Variants in CFDP1 observed in about 807,000 individuals in gnomAD.
CFDP1 encodes chromatin remodeling protein CFDP1.
CFDP1 carries 31 observed loss-of-function variants against 40.1 expected under a neutral mutation model. That is an observed-to-expected ratio of 0.77 (90% CI 0.58 to 1.04). The LOEUF (loss-of-function observed/expected upper bound fraction) is 1.04, where lower values mean the gene tolerates loss of function less well. Among genes scored for constraint, CFDP1 ranks in the 50% least tolerant of loss-of-function variants. The probability of loss-of-function intolerance (pLI) is 0.00; values close to 1 mark genes in which losing one functional copy is unlikely to be tolerated. For missense variants in CFDP1, 423 were observed against 343.4 expected (o/e 1.23, Z -1.83); for synonymous variants, 167 against 120.0 (o/e 1.39, Z -2.56).
intron 1 of CFDP1, among the ~76,000 whole-genome samples, chr16:75,426,630 C>T (rs956395376): frequency 5.3e-5 from 8 of 151,764 alleles, no homozygotes; most frequent in African/African-American, 1.5e-4. Context: ...GAGGTGAAAT[C>T]GTGCCACTGC....
chr16:75,364,224 T>A (rs909016216), intron 5 of CFDP1, among the ~76,000 whole-genome samples: 4 of 152,136 alleles, frequency 2.6e-5, no homozygotes, highest in Admixed American at 6.6e-5. Flanking sequence ...ATTCACTTTT[T>A]AAAAAAATGG....
At chr16:75,313,342 G>GT (rs1341744940) in intron 5 of CFDP1, among the ~76,000 whole-genome samples, 20 of 151,812 alleles carry the variant, frequency 1.3e-4, no homozygotes, top group Non-Finnish European at 2.9e-4. Context: ...AGTTTTTTTT[G>GT]TTTTTTTGAC....
At chr16:75,317,478 T>C (rs1199829910) in intron 5 of CFDP1, among the ~76,000 whole-genome samples, 1 of 152,156 alleles carries the variant, frequency 6.6e-6, no homozygotes, top group Non-Finnish European at 1.5e-5. Flanking sequence ...AAGGAGGAAA[T>C]GTTGAGTGTA....
chr16:75,382,170 G>A (rs887826790), intron 5 of CFDP1, among the ~76,000 whole-genome samples: 1 of 151,656 alleles, frequency 6.6e-6, no homozygotes, highest in Admixed American at 6.6e-5. Flanking sequence ...ACTGAGAAGG[G>A]GTATTCTGAG....
intron 4 of CFDP1, among the ~76,000 whole-genome samples, chr16:75,396,922 G>C (rs900806199): frequency 5.3e-5 from 8 of 151,690 alleles, no homozygotes; most frequent in Admixed American, 2.0e-4. Flanking sequence ...TTGTTTGTTT[G>C]TTTTCATTTG....
At position 75,305,167 on chromosome 16, in the gene CFDP1, A is replaced by C; in HGVS notation, c.666T>G (p.Ser222Arg). Residue 222 changes from serine (S) to arginine (R), a missense_variant, in exon 6 of 7, where the codon AGT becomes AGG. Physicochemically the swap from Ser to Arg is moderately radical, Grantham distance 110 (BLOSUM62 -1). Coordinates refer to ENST00000283882, the MANE Select transcript of CFDP1 (RefSeq NM_006324.3). ...TTTTCCCCAAAAGGCTGCTCATGCC[A>C]CTTGATCTTTTTAACCTAAGGAAAG... is the stretch of plus-strand genomic sequence containing the variant. ...LPAGSGLKRS[S>R]GMSSLLGKIG... The C allele has an allele frequency of 2.5e-6, 4 of 1,614,018 alleles. No individual in the cohort carries two copies. Among genetic ancestry groups the C allele is most frequent in the Non-Finnish European group, 3.4e-6 (4 of 1,179,994 alleles).
intron 5 of CFDP1, among the ~76,000 whole-genome samples, chr16:75,348,670 C>T (rs2151524515): frequency 6.6e-6 from 1 of 152,146 alleles, no homozygotes; most frequent in East Asian, 1.9e-4. Flanking sequence ...ATTTGCACAT[C>T]ATAAGATACA....
At chr16:75,350,928 C>T (rs2078606173) in intron 5 of CFDP1, among the ~76,000 whole-genome samples, 1 of 151,956 alleles carries the variant, frequency 6.6e-6, no homozygotes, top group African/African-American at 2.4e-5. Flanking sequence ...AACAGAAAAA[C>T]TACTTCAAGT....
At chr16:75,396,871 CT>C (rs1333517229) in intron 4 of CFDP1, among the ~76,000 whole-genome samples, 1 of 152,042 alleles carries the variant, frequency 6.6e-6, no homozygotes, top group African/African-American at 2.4e-5. Context: ...CCTCAGTGGC[CT>C]CTTTTGTAGT....
intron 5 of CFDP1, among the ~76,000 whole-genome samples, chr16:75,369,595 A>T (rs1220493890): frequency 6.6e-6 from 1 of 152,200 alleles, no homozygotes; most frequent in Non-Finnish European, 1.5e-5. Context: ...CTTCTGATGA[A>T]ACTGGAAAAG....
chr16:75,360,604 C>A (rs2078674349), intron 5 of CFDP1, among the ~76,000 whole-genome samples: 1 of 152,186 alleles, frequency 6.6e-6, no homozygotes, highest in Admixed American at 6.5e-5. Context: ...ATAACAATAA[C>A]TTTCCTGTGG....
chr16:75,378,775 A>T (rs1208613999), intron 5 of CFDP1, among the ~76,000 whole-genome samples: 1 of 152,208 alleles, frequency 6.6e-6, no homozygotes, highest in African/African-American at 2.4e-5. Flanking sequence ...TATTTAAAAG[A>T]TATTGGGGTA....
At chr16:75,425,931 G>A (rs1333015451) in intron 1 of CFDP1, among the ~76,000 whole-genome samples, 2 of 150,128 alleles carry the variant, frequency 1.3e-5, no homozygotes, top group Non-Finnish European at 2.9e-5. Context: ...AACTACTCGG[G>A]AAGCTGAGGC....
chr16:75,400,698 A>C (rs1474843552), intron 4 of CFDP1, among the ~76,000 whole-genome samples: 1 of 152,226 alleles, frequency 6.6e-6, no homozygotes, highest in Non-Finnish European at 1.5e-5. Context: ...CTATGTATTC[A>C]TTCTTCCTTT....
chr16:75,432,370 TAAAAAAA>T (rs55961935), intron 1 of CFDP1, among the ~76,000 whole-genome samples: 9 of 105,582 alleles, frequency 8.5e-5, no homozygotes, highest in African/African-American at 1.4e-4. Flanking sequence ...ATGCCATTTC[TAAAAAAA>T]AAAAAAAAAA....
At chr16:75,405,496 C>T (rs1175297883) in intron 4 of CFDP1, among the ~76,000 whole-genome samples, 1 of 151,954 alleles carries the variant, frequency 6.6e-6, no homozygotes, top group Non-Finnish European at 1.5e-5. Context: ...GCCTGTAATC[C>T]TAGCACTTTG....
chr16:75,361,094 CCA>C (rs1240443106), intron 5 of CFDP1, among the ~76,000 whole-genome samples: 5 of 152,094 alleles, frequency 3.3e-5, no homozygotes, highest in Non-Finnish European at 7.4e-5. Flanking sequence ...ACTACAACCT[CCA>C]CCTCCTGGGT....
chr16:75,433,251 G>C (rs1293689576), intron 1 of CFDP1, 38 bp downstream of exon 1: 1 of 1,560,342 alleles, frequency 6.4e-7, no homozygotes, highest in South Asian at 1.2e-5. Context: ...GGCGTGGGGC[G>C]GGGCAATTCG....
chr16:75,420,758 C>A (rs538466920), intron 1 of CFDP1, among the ~76,000 whole-genome samples: 2 of 152,168 alleles, frequency 1.3e-5, no homozygotes, highest in Non-Finnish European at 2.9e-5. Flanking sequence ...GGAAAAAATA[C>A]AAATATCTAT....
Sources: allele counts gnomAD v4.1 joint callset (sites outside exome capture counted in the v4.1 genomes callset), GRCh38; gene constraint gnomAD v4.1.1; transcripts MANE v1.5; gene names NCBI Gene and HGNC (gene_info 2026-07-23, HGNC 2026-07-21).